Variants in ADAMTS3 observed in about 807,000 individuals in gnomAD.
ADAMTS3 encodes ADAM metallopeptidase with thrombospondin type 1 motif 3, also known as A disintegrin and metalloproteinase with thrombospondin motifs 3.
In ADAMTS3, 73 loss-of-function variants were observed where a neutral mutation model predicts 129.0. The ratio of observed to expected loss-of-function variants is 0.57; its 90% confidence interval spans 0.47 to 0.69. The LOEUF is 0.69. Among genes scored for constraint, ADAMTS3 ranks in the 30% least tolerant of loss-of-function variants. The pLI is 0.00. For missense variants in ADAMTS3, 1,457 were observed against 1,514.5 expected (o/e 0.96, Z 0.63); for synonymous variants, 477 against 510.8 (o/e 0.93, Z 0.89).
At chr4:72,533,686 T>C (rs1238316003) in intron 3 of ADAMTS3, among the ~76,000 whole-genome samples, 1 of 31,172 alleles carries the variant, frequency 3.2e-5, no homozygotes, top group Non-Finnish European at 7.2e-5. Flanking sequence ...TATGCACACA[T>C]GTATATATAC....
At chr4:72,437,982 T>C (rs969639765) in intron 3 of ADAMTS3, among the ~76,000 whole-genome samples, 2 of 151,788 alleles carry the variant, frequency 1.3e-5, no homozygotes, top group African/African-American at 2.4e-5. Context: ...TTCTGTCGTT[T>C]TGAGTTCCCA....
intron 3 of ADAMTS3, among the ~76,000 whole-genome samples, chr4:72,474,152 G>C (rs780038079): frequency 6.6e-6 from 1 of 152,228 alleles, no homozygotes; most frequent in South Asian, 2.1e-4. Flanking sequence ...AAAAAGTCCA[G>C]ATATAAGTCA....
chr4:72,346,104 T>C (rs1189628203), intron 4 of ADAMTS3, among the ~76,000 whole-genome samples: 1 of 152,128 alleles, frequency 6.6e-6, no homozygotes, highest in Non-Finnish European at 1.5e-5. Context: ...ATTAGCTCCT[T>C]TGATTATTTC....
intron 4 of ADAMTS3, among the ~76,000 whole-genome samples, chr4:72,389,551 C>T (rs1220337821): frequency 6.7e-6 from 1 of 149,080 alleles, no homozygotes; most frequent in African/African-American, 2.5e-5. Context: ...ATCATACAAA[C>T]AAGAAACTAT....
At chr4:72,393,446 A>C (rs1033420775) in intron 4 of ADAMTS3, among the ~76,000 whole-genome samples, 2 of 152,190 alleles carry the variant, frequency 1.3e-5, no homozygotes, top group African/African-American at 4.8e-5. Context: ...ATAAATGAAT[A>C]CATAATTGAA....
intron 4 of ADAMTS3, among the ~76,000 whole-genome samples, chr4:72,362,125 A>G (rs1720744213): frequency 6.6e-6 from 1 of 150,528 alleles, no homozygotes; most frequent in African/African-American, 2.4e-5. Flanking sequence ...GCATATTTTA[A>G]TATTATCAAT....
chr4:72,473,292 A>G (rs922948042), intron 3 of ADAMTS3, among the ~76,000 whole-genome samples: 1 of 152,146 alleles, frequency 6.6e-6, no homozygotes, highest in Non-Finnish European at 1.5e-5. Context: ...CAGACTAGCT[A>G]AAGACCTCAA....
At chr4:72,362,642 C>T (rs1220585531) in intron 4 of ADAMTS3, among the ~76,000 whole-genome samples, 1 of 152,078 alleles carries the variant, frequency 6.6e-6, no homozygotes, top group African/African-American at 2.4e-5. Context: ...ATAAAAATTT[C>T]TAGTGATGAC....
chr4:72,563,062 TC>T (rs1721942118), intron 2 of ADAMTS3, among the ~76,000 whole-genome samples: 2 of 152,166 alleles, frequency 1.3e-5, no homozygotes, highest in Non-Finnish European at 2.9e-5. Context: ...TTTAAGATCA[TC>T]ATTCTGGAAG....
intron 4 of ADAMTS3, among the ~76,000 whole-genome samples, chr4:72,356,008 A>T (rs1315487718): frequency 6.6e-6 from 1 of 151,980 alleles, no homozygotes; most frequent in Non-Finnish European, 1.5e-5. Flanking sequence ...TTTTGTGATT[A>T]AAAAACTCCG....
chr4:72,516,680 T>C (rs1442334932), intron 3 of ADAMTS3, among the ~76,000 whole-genome samples: 1 of 152,162 alleles, frequency 6.6e-6, no homozygotes, highest in Non-Finnish European at 1.5e-5. Flanking sequence ...TTTTGTACAT[T>C]GATTTTGTAT....
chr4:72,437,113 C>A (rs1185766931), intron 3 of ADAMTS3, among the ~76,000 whole-genome samples: 1 of 151,744 alleles, frequency 6.6e-6, no homozygotes, highest in Admixed American at 6.6e-5. Flanking sequence ...TTCAACATGA[C>A]AATAGTTAAA....
chr4:72,499,975 C>T (rs1719969841), intron 3 of ADAMTS3, among the ~76,000 whole-genome samples: 1 of 152,130 alleles, frequency 6.6e-6, no homozygotes, highest in Admixed American at 6.6e-5. Flanking sequence ...TTTATTGCTG[C>T]AAAGTATTCA....
chr4:72,518,295 G>GA (rs920561224), intron 3 of ADAMTS3, among the ~76,000 whole-genome samples: 1 of 152,100 alleles, frequency 6.6e-6, no homozygotes. Context: ...GTATGGTGCT[G>GA]AAAAAAATGT....
At chr4:72,501,903 G>A (rs1403949012) in intron 3 of ADAMTS3, among the ~76,000 whole-genome samples, 1 of 151,844 alleles carries the variant, frequency 6.6e-6, no homozygotes, top group African/African-American at 2.4e-5. Context: ...TGTTTATATG[G>A]TGAATCACCT....
rs568831848 is a variant in ADAMTS3 at position 72,281,326 on chromosome 4, G to T, written c.*1810C>A. Reference sequence around the variant, plus strand: ...ATTCTTTAGAGGTATAGAGTCAATAGTTTAAGCTGTTAGTTTACAACGATT... The same window carrying T: ...ATTCTTTAGAGGTATAGAGTCAATATTTTAAGCTGTTAGTTTACAACGATT... On this transcript the variant is annotated 3_prime_UTR_variant, in exon 22 of 22. Coordinates refer to ENST00000286657, the MANE Select transcript of ADAMTS3 (RefSeq NM_014243.3). 1 of 152,680 alleles carries T rather than the reference G, an allele frequency of 6.5e-6. No homozygotes were observed. Among genetic ancestry groups the T allele is most frequent in the South Asian group, 2.1e-4 (1 of 4,826 alleles). The allele number at this position is 152,680 out of a possible 1,614,324, so 9.5% of individuals were successfully genotyped here. A position where few individuals can be genotyped will look rare whatever the true frequency, so the allele number is the denominator to read the frequency against.
At chr4:72,483,386 C>T (rs986058668) in intron 3 of ADAMTS3, among the ~76,000 whole-genome samples, 1 of 152,152 alleles carries the variant, frequency 6.6e-6, no homozygotes, top group African/African-American at 2.4e-5. Context: ...TATAGCTAAA[C>T]TAAATAGTCT....
intron 3 of ADAMTS3, among the ~76,000 whole-genome samples, chr4:72,439,462 T>C (rs952069174): frequency 6.6e-6 from 1 of 151,724 alleles, no homozygotes; most frequent in African/African-American, 2.4e-5. Context: ...ATAATAGTCA[T>C]CAGTTTCCTT....
chr4:72,530,062 T>TTATATTTATA (rs1720953205), intron 3 of ADAMTS3, among the ~76,000 whole-genome samples: 1 of 1,654 alleles, frequency 6.0e-4, no homozygotes, highest in Non-Finnish European at 8.1e-4. Context: ...ATATAATATG[T>TTATATTTATA]TATATATAAC....
Sources: allele counts gnomAD v4.1 joint callset (sites outside exome capture counted in the v4.1 genomes callset), GRCh38; gene constraint gnomAD v4.1.1; transcripts MANE v1.5; gene names NCBI Gene and HGNC (gene_info 2026-07-23, HGNC 2026-07-21).